SNX25: variants seen among roughly 807,000 people sequenced by gnomAD.
SNX25 encodes the protein sorting nexin 25.
Under a neutral mutation model 113.7 loss-of-function variants are expected in SNX25, and 62 were observed. That is an observed-to-expected ratio of 0.55 (90% CI 0.44 to 0.67). SNX25 has a LOEUF of 0.67. Ranked by LOEUF, SNX25 falls within the 30% of genes least tolerant of loss-of-function variation. The pLI is 0.00. For missense variants in SNX25, 1,014 were observed against 1,161.0 expected (o/e 0.87, Z 1.84); for synonymous variants, 421 against 436.2 (o/e 0.97, Z 0.43).
At chr4:185,314,835 C>T (rs1273805095) in intron 7 of SNX25, among the ~76,000 whole-genome samples, 43 of 121,986 alleles carry the variant, frequency 3.5e-4, no homozygotes, top group Admixed American at 2.9e-3. Flanking sequence ...TCAAGCCTGG[C>T]GACAAAGTGA....
intron 1 of SNX25, among the ~76,000 whole-genome samples, chr4:185,212,777 G>C (rs2310158): frequency 0.1 from 15,720 of 152,206 alleles, 880 homozygotes; most frequent in Non-Finnish European, 0.13. Context: ...TATGTGGAGG[G>C]GGAGGCTGTT....
At chr4:185,369,762 A>G (rs909908060) in exon 12 of SNX25, 3 of 446,922 alleles carry the variant, frequency 6.7e-6, no homozygotes, top group South Asian at 1.6e-5. Context: ...AACTTCAACA[A>G]ATACGCTTCT....
At chr4:185,212,023 A>G (rs1048065478) in intron 1 of SNX25, among the ~76,000 whole-genome samples, 2 of 152,224 alleles carry the variant, frequency 1.3e-5, no homozygotes, top group African/African-American at 4.8e-5. Flanking sequence ...GCATGTATAA[A>G]TCTCTCATGA....
intron 2 of SNX25, among the ~76,000 whole-genome samples, chr4:185,255,857 T>C (rs944204161): frequency 2.0e-5 from 3 of 152,226 alleles, no homozygotes; most frequent in Non-Finnish European, 4.4e-5. Flanking sequence ...TATTTGTTTG[T>C]TGCCAATAAA....
At chr4:185,268,445 A>T (rs1748449489) in intron 5 of SNX25, among the ~76,000 whole-genome samples, 1 of 152,162 alleles carries the variant, frequency 6.6e-6, no homozygotes, top group African/African-American at 2.4e-5. Flanking sequence ...CACATTTAGT[A>T]TGATTATATA....
At chr4:185,360,784 T>C (rs1196642460) in intron 16 of SNX25, among the ~76,000 whole-genome samples, 1 of 151,984 alleles carries the variant, frequency 6.6e-6, no homozygotes, top group African/African-American at 2.4e-5. Context: ...CTGGGCATGG[T>C]GGCACACGCC....
At chr4:185,249,388 A>G (rs1410287721) in intron 2 of SNX25, among the ~76,000 whole-genome samples, 1 of 152,212 alleles carries the variant, frequency 6.6e-6, no homozygotes, top group Admixed American at 6.5e-5. Flanking sequence ...TGACTATGAT[A>G]TTAAACACCT....
intron 2 of SNX25, among the ~76,000 whole-genome samples, chr4:185,258,018 A>G (rs1036793468): frequency 2.6e-5 from 4 of 152,238 alleles, no homozygotes; most frequent in Non-Finnish European, 5.9e-5. Flanking sequence ...AGTAAAGAGA[A>G]CACTAAAGAA....
At position 185,332,599 on chromosome 4, in the gene SNX25, C is replaced by G. The variant is rs138810438; in HGVS notation, c.1754C>G (p.Pro585Arg). Reference sequence around the variant, plus strand: ...GGTATGTGACTCTCCCCCTAGGGCCCAAGAGATGAGGCTGGTGAGGAAGCC... The same window carrying G: ...GGTATGTGACTCTCCCCCTAGGGCCGAAGAGATGAGGCTGGTGAGGAAGCC... ...QMISNKDEMG[P>R]RDEAGEEAVD... The change falls in exon 10 of 19, where the codon CCA becomes CGA. Residue 585 changes from proline (P) to arginine (R), a missense_variant. Pro to Arg is a moderately radical substitution (Grantham distance 103). Transcript: ENST00000652585. 20 of 1,611,084 alleles carry G rather than the reference C, an allele frequency of 1.2e-5. No homozygotes were observed. Among genetic ancestry groups the G allele is most frequent in the Non-Finnish European group, 1.7e-5 (20 of 1,178,382 alleles).
At chr4:185,341,336 G>C (rs758788931) in intron 11 of SNX25, among the ~76,000 whole-genome samples, 10 of 152,334 alleles carry the variant, frequency 6.6e-5, no homozygotes, top group Non-Finnish European at 1.0e-4. Context: ...AATTAAACTG[G>C]AGGTGCCCCC....
intron 8 of SNX25, among the ~76,000 whole-genome samples, chr4:185,321,125 TAC>T (rs1434647884): frequency 6.6e-6 from 1 of 152,172 alleles, no homozygotes; most frequent in Non-Finnish European, 1.5e-5. Context: ...GTATTTTTTT[TAC>T]ACATTGTAAA....
At chr4:185,254,743 T>G (rs1035160533) in intron 2 of SNX25, among the ~76,000 whole-genome samples, 1 of 152,202 alleles carries the variant, frequency 6.6e-6, no homozygotes. Context: ...TCATCTCCAG[T>G]GGCCTCCTTT....
rs1343962875 is a variant in SNX25, at chr4:185,210,020, C to T, written c.194C>T (p.Ala65Val). 9 of 983,766 alleles carry T rather than the reference C, an allele frequency of 9.1e-6. No individual in the cohort carries two copies. The highest frequency in any genetic ancestry group is 1.8e-5 in the African/African-American group (1 of 56,954). 60.9% of individuals were successfully genotyped at this position (983,766 alleles called of 1,614,324 possible). Reference sequence around the variant, plus strand: ...TGGTGGAAGCCCGTGGCGGTGGCCGCACTCGCCGCCGTGGCCCTCTCCTTC... The same window carrying T: ...TGGTGGAAGCCCGTGGCGGTGGCCGTACTCGCCGCCGTGGCCCTCTCCTTC... ...RSWWKPVAVA[A>V]LAAVALSFLG... Residue 65 changes from alanine to valine, a missense_variant, in exon 1 of 19, where the codon GCA becomes GTA. Physicochemically the swap from Ala to Val is moderately conservative, Grantham distance 64 (BLOSUM62 0). Transcript: ENST00000652585. The surrounding 1 kb of genome is among the most constrained non-coding windows in gnomAD (Gnocchi z 4.4).
At chr4:185,341,828 G>A in intron 11 of SNX25, 148 bp from the exon 12 acceptor site, 1 of 737,860 alleles carries the variant, frequency 1.4e-6, no homozygotes, top group Non-Finnish European at 2.0e-6. Flanking sequence ...TTAGTTACTA[G>A]AATAAAATCT....
chr4:185,363,016 T>C lies in SNX25; in HGVS notation c.2934+305T>C, dbSNP rs1297713202. ...CACTACCATGCCCAGCTAACTTTTG[T>C]ATTTTTAGTAGAGATGGGGTTTCGC... On this transcript the variant is annotated intron_variant, in intron 18 of 18. Transcript: ENST00000652585. The surrounding 1 kb of genome is among the most constrained non-coding windows in gnomAD (Gnocchi z 4.2). 6.6e-6 allele frequency among the ~76,000 whole-genome samples: 1 copy of C among 152,012 alleles called. No homozygotes were observed. The highest frequency in any genetic ancestry group is 1.5e-5 in the Non-Finnish European group (1 of 67,994).
At chr4:185,230,328 C>T (rs906372636) in intron 1 of SNX25, among the ~76,000 whole-genome samples, 7 of 151,688 alleles carry the variant, frequency 4.6e-5, no homozygotes, top group Non-Finnish European at 8.8e-5. Flanking sequence ...AATGACTCTA[C>T]ATTCAAACAA....
At chr4:185,213,314 A>G (rs140102168) in intron 1 of SNX25, among the ~76,000 whole-genome samples, 111 of 152,314 alleles carry the variant, frequency 7.3e-4, no homozygotes, top group African/African-American at 2.6e-3. Context: ...ATTTACTTGG[A>G]TGAGAATCAC....
At chr4:185,314,511 A>AT (rs2095055168) in intron 7 of SNX25, among the ~76,000 whole-genome samples, 2 of 152,168 alleles carry the variant, frequency 1.3e-5, no homozygotes, top group African/African-American at 4.8e-5. Context: ...AAATTTGACA[A>AT]TTTAAATGGA....
In SNX25 at chr4:185,363,817, C is replaced by T. The variant is rs2095376979; in HGVS notation, c.*352C>T. The T allele has an allele frequency of 5.9e-6, 1 of 169,024 alleles. No homozygotes were observed. Among genetic ancestry groups the T allele is most frequent in the South Asian group, 1.6e-4 (1 of 6,092 alleles). 10.5% of individuals were successfully genotyped at this position (169,024 alleles called of 1,614,324 possible). ...GTACAGTTAATTTCCTCACTGAGGACTGTGAACATTCTTATATTATTTCAT... is the reference window on the plus strand; with the variant it reads ...GTACAGTTAATTTCCTCACTGAGGATTGTGAACATTCTTATATTATTTCAT... On this transcript the variant is annotated 3_prime_UTR_variant, in exon 19 of 19. Transcript: ENST00000652585. The surrounding 1 kb of genome is among the most constrained non-coding windows in gnomAD (Gnocchi z 4.2).
Sources: gnomAD v4.1 joint callset for allele counts (sites outside exome capture counted in the v4.1 genomes callset) on GRCh38, gnomAD v4.1.1 for gene constraint, Gnocchi (gnomAD v3.1) non-coding constraint, MANE v1.5 for transcripts, NCBI Gene and HGNC (gene_info 2026-07-23, HGNC 2026-07-21) for gene names.